The following KHDRBS2 variants were observed in gnomAD, a reference collection of about 807,000 sequenced individuals.
The protein encoded by KHDRBS2 is KH RNA binding domain containing, signal transduction associated 2.
KHDRBS2 carries 26 observed loss-of-function variants against 44.3 expected under a neutral mutation model. That is an observed-to-expected ratio of 0.59 (90% CI 0.43 to 0.81). KHDRBS2 has a LOEUF of 0.81. KHDRBS2 is among the 40% of genes least tolerant of loss of function. KHDRBS2 has a pLI of 0.00. For synonymous variants in KHDRBS2, 194 were observed against 151.1 expected, an observed-to-expected ratio of 1.28 and a Z score of -2.08; for missense variants, 476 against 433.1, an observed-to-expected ratio of 1.10 and a Z score of -0.88.
chr6:61,556,369 C>CA, the KHDRBS2 span, among the ~76,000 whole-genome samples: 23 of 152,168 alleles, frequency 1.5e-4, no homozygotes, highest in African/African-American at 4.6e-4. Context: ...TGGATCTCAC[C>CA]AAAAAATCAA....
chr6:61,770,735 G>T (rs948844980), intron 6 of KHDRBS2, among the ~76,000 whole-genome samples: 3 of 152,226 alleles, frequency 2.0e-5, no homozygotes, highest in African/African-American at 7.2e-5. Context: ...GTGACAGGGA[G>T]AATGGAACCA....
At chr6:61,610,962 A>G in the KHDRBS2 span, among the ~76,000 whole-genome samples, 1 of 152,192 alleles carries the variant, frequency 6.6e-6, no homozygotes, top group Non-Finnish European at 1.5e-5. Flanking sequence ...AATACTGAAG[A>G]AGGCCCCTAT....
chr6:61,862,767 C>T (rs1210613876), intron 6 of KHDRBS2, among the ~76,000 whole-genome samples: 4 of 151,932 alleles, frequency 2.6e-5, no homozygotes, highest in Non-Finnish European at 5.9e-5. Flanking sequence ...TCAATGATAT[C>T]GGTCTCAAGT....
At chr6:61,565,573 A>T in the KHDRBS2 span, among the ~76,000 whole-genome samples, 1 of 152,126 alleles carries the variant, frequency 6.6e-6, no homozygotes, top group Non-Finnish European at 1.5e-5. Context: ...AATGCTCAAC[A>T]TCACTAATAA....
At chr6:61,740,897 T>A (rs1237385725) in intron 6 of KHDRBS2, among the ~76,000 whole-genome samples, 1 of 151,874 alleles carries the variant, frequency 6.6e-6, no homozygotes, top group Admixed American at 6.6e-5. Context: ...CTAGTAGTCA[T>A]CAACATATGC....
At chr6:61,984,422 C>T (rs562630137) in intron 3 of KHDRBS2, among the ~76,000 whole-genome samples, 13 of 152,132 alleles carry the variant, frequency 8.5e-5, no homozygotes, top group African/African-American at 2.9e-4. Flanking sequence ...AGGATTCACA[C>T]AAATGTTATT....
At chr6:61,602,183 A>G in the KHDRBS2 span, among the ~76,000 whole-genome samples, 1 of 152,194 alleles carries the variant, frequency 6.6e-6, no homozygotes, top group South Asian at 2.1e-4. Context: ...ACAGGACTTA[A>G]TTAACCTAGC....
chr6:61,770,539 G>T (rs934609401), intron 6 of KHDRBS2, among the ~76,000 whole-genome samples: 2 of 152,222 alleles, frequency 1.3e-5, no homozygotes, highest in African/African-American at 4.8e-5. Flanking sequence ...TGTGACGAAT[G>T]CAGAAGCCTC....
At chr6:61,890,025 C>T (rs971687699) in intron 6 of KHDRBS2, among the ~76,000 whole-genome samples, 2 of 152,178 alleles carry the variant, frequency 1.3e-5, no homozygotes, top group African/African-American at 4.8e-5. Flanking sequence ...GAAGTGGACT[C>T]TCCTCACCTC....
intron 2 of KHDRBS2, among the ~76,000 whole-genome samples, chr6:62,052,222 T>C (rs1189690236): frequency 3.3e-5 from 5 of 151,984 alleles, no homozygotes; most frequent in Non-Finnish European, 7.4e-5. Context: ...ACTAAAGATA[T>C]GGAAACAATC....
At chr6:61,959,181 T>C (rs1393235210) in intron 4 of KHDRBS2, among the ~76,000 whole-genome samples, 2 of 152,062 alleles carry the variant, frequency 1.3e-5, no homozygotes, top group Non-Finnish European at 2.9e-5. Context: ...TCACAGGGAG[T>C]TATTGGATGA....
At chr6:61,853,556 T>C (rs1276682620) in intron 6 of KHDRBS2, among the ~76,000 whole-genome samples, 3 of 152,102 alleles carry the variant, frequency 2.0e-5, no homozygotes, top group South Asian at 4.1e-4. Context: ...AATGTAAAAA[T>C]GGATTGAAAA....
At chr6:62,159,115 A>G (rs1233059338) in intron 2 of KHDRBS2, among the ~76,000 whole-genome samples, 1 of 152,144 alleles carries the variant, frequency 6.6e-6, no homozygotes, top group African/African-American at 2.4e-5. Flanking sequence ...GTGTAGGCTC[A>G]TTTATAAAAG....
chr6:61,990,834 T>C (rs1290945482), intron 3 of KHDRBS2, among the ~76,000 whole-genome samples: 1 of 152,020 alleles, frequency 6.6e-6, no homozygotes, highest in Non-Finnish European at 1.5e-5. Flanking sequence ...CTCAACCTCC[T>C]GGGTAGCTGG....
rs760966278 is a variant in KHDRBS2, at chr6:61,681,049, A to T, written c.964T>A (p.Trp322Arg). The change falls in exon 9 of 9, where the codon TGG (tryptophan) becomes AGG (arginine). Residue 322 changes from tryptophan (W) to arginine (R), a missense_variant. Physicochemically the swap from Trp to Arg is moderately radical, Grantham distance 101 (BLOSUM62 -3). Coordinates refer to ENST00000281156, the MANE Select transcript of KHDRBS2 (RefSeq NM_152688.4). ...TTCAAGCTAGAGCGGGTTGTGGCCC[A>T]TTCTTCTGGTGCTGTGAAAAAGAGA... ...DAYDSYAPEEWATTRSSLKAP... is the reference protein window; with the variant it reads ...DAYDSYAPEERATTRSSLKAP... The T allele has an allele frequency of 1.9e-6, 3 of 1,610,760 alleles. No individual in the cohort carries two copies. Among genetic ancestry groups the T allele is most frequent in the Middle Eastern group, 1.7e-4 (1 of 6,058 alleles).
chr6:62,187,542 A>G (rs771355789), intron 1 of KHDRBS2, among the ~76,000 whole-genome samples: 19 of 152,190 alleles, frequency 1.2e-4, no homozygotes, highest in Non-Finnish European at 2.4e-4. Context: ...AAGTTTATAT[A>G]CAAAATATTG....
intron 6 of KHDRBS2, among the ~76,000 whole-genome samples, chr6:61,882,046 G>T (rs770788992): frequency 6.6e-6 from 1 of 152,178 alleles, no homozygotes. Flanking sequence ...TACTGCACAA[G>T]AGGAAGAAAG....
chr6:61,754,975 T>C (rs1486886879), intron 6 of KHDRBS2, among the ~76,000 whole-genome samples: 2 of 152,148 alleles, frequency 1.3e-5, no homozygotes, highest in Admixed American at 6.5e-5. Context: ...AAATTTATAA[T>C]AGAATCTAGT....
chr6:62,057,200 C>T (rs1790489537), intron 2 of KHDRBS2, among the ~76,000 whole-genome samples: 1 of 151,898 alleles, frequency 6.6e-6, no homozygotes, highest in African/African-American at 2.4e-5. Context: ...TTTGCTCTTG[C>T]TCAAAAGTAT....
Sources: gnomAD v4.1 joint callset for allele counts (sites outside exome capture counted in the v4.1 genomes callset) on GRCh38, gnomAD v4.1.1 for gene constraint, MANE v1.5 for transcripts, NCBI Gene and HGNC (gene_info 2026-07-23, HGNC 2026-07-21) for gene names.